Variants in DPP10 observed in about 807,000 individuals in gnomAD.
DPP10 encodes the protein inactive dipeptidyl peptidase 10.
Under a neutral mutation model 120.9 loss-of-function variants are expected in DPP10, and 33 were observed. The observed-to-expected ratio is 0.27, with a 90% confidence interval of 0.21 to 0.37. The LOEUF (loss-of-function observed/expected upper bound fraction) is 0.37, where lower values mean the gene tolerates loss of function less well. DPP10 is among the 10% of genes least tolerant of loss of function. The pLI is 1.00. For synonymous variants in DPP10, 337 were observed against 326.1 expected, an observed-to-expected ratio of 1.03 and a Z score of -0.36; for missense variants, 816 against 942.8, an observed-to-expected ratio of 0.87 and a Z score of 1.76.
intron 1 of DPP10, among the ~76,000 whole-genome samples, chr2:114,813,800 A>G (rs112393411): frequency 6.7e-4 from 102 of 151,916 alleles, no homozygotes; most frequent in Non-Finnish European, 1.3e-3. Flanking sequence ...CTTGGCTTGG[A>G]GAAGAAACTG....
intron 3 of DPP10, among the ~76,000 whole-genome samples, chr2:115,396,327 G>A (rs547063972): frequency 1.3e-4 from 20 of 152,272 alleles, no homozygotes; most frequent in African/African-American, 3.4e-4. Context: ...CTTGAAATCC[G>A]TAAATACTGT....
intron 1 of DPP10, among the ~76,000 whole-genome samples, chr2:114,676,042 C>T (rs1218794536): frequency 6.6e-6 from 1 of 152,208 alleles, no homozygotes; most frequent in African/African-American, 2.4e-5. Flanking sequence ...TCAGGTGATC[C>T]GCCCACCTCA....
intron 3 of DPP10, among the ~76,000 whole-genome samples, chr2:115,373,924 A>C (rs2065599143): frequency 6.6e-6 from 1 of 151,746 alleles, no homozygotes; most frequent in South Asian, 2.1e-4. Context: ...GGCATGCCAA[A>C]CATTTTTAAA....
intron 1 of DPP10, among the ~76,000 whole-genome samples, chr2:114,912,846 G>A (rs1319260432): frequency 6.6e-6 from 1 of 152,180 alleles, no homozygotes; most frequent in Non-Finnish European, 1.5e-5. Context: ...CCAGAGAGTT[G>A]ATGGAGACAG....
chr2:115,618,200 A>T (rs2084672789), intron 5 of DPP10, among the ~76,000 whole-genome samples: 1 of 152,246 alleles, frequency 6.6e-6, no homozygotes, highest in Admixed American at 6.5e-5. Context: ...AAAGAAACAA[A>T]TAATATGCTT....
At chr2:115,113,115 T>C (rs1343281603) in intron 1 of DPP10, among the ~76,000 whole-genome samples, 3 of 152,100 alleles carry the variant, frequency 2.0e-5, no homozygotes, top group African/African-American at 7.2e-5. Context: ...TGTGTCAGTC[T>C]GGACTAAATT....
chr2:115,797,852 A>G (rs978217747), intron 19 of DPP10, among the ~76,000 whole-genome samples: 2 of 151,948 alleles, frequency 1.3e-5, no homozygotes, highest in Non-Finnish European at 2.9e-5. Context: ...ATGGGGGAAA[A>G]ACCCAAATTT....
At chr2:115,754,274 T>C (rs1330869537) in intron 11 of DPP10, among the ~76,000 whole-genome samples, 2 of 152,150 alleles carry the variant, frequency 1.3e-5, no homozygotes, top group African/African-American at 4.8e-5. Flanking sequence ...TGGAGCTTTA[T>C]AGAAAAGGAC....
In DPP10 at chr2:115,763,476, AT is replaced by A. The variant is rs201030350; in HGVS notation, c.1113+868del. Among the ~76,000 whole-genome samples the A allele has an allele frequency of 2.0e-5, 3 of 152,142 alleles. No homozygotes were observed. The East Asian group carries it at 5.8e-4, about 29-fold the overall frequency. On this transcript the variant is annotated intron_variant, in intron 12 of 25. Transcript: ENST00000410059. The stretch of plus-strand genomic sequence containing the variant: ...TTTTATCTTAGGACTCAATGACATA[AT>A]TATCCATTCAGATGTTAAAACTATT...
At chr2:115,331,496 G>C (rs1033988013) in intron 2 of DPP10, among the ~76,000 whole-genome samples, 1 of 152,154 alleles carries the variant, frequency 6.6e-6, no homozygotes, top group African/African-American at 2.4e-5. Flanking sequence ...TCCCCGTCTT[G>C]TGCCAGTTTT....
chr2:115,371,172 C>A (rs543125742), intron 3 of DPP10, among the ~76,000 whole-genome samples: 43 of 152,162 alleles, frequency 2.8e-4, no homozygotes, highest in Admixed American at 1.5e-3. Context: ...CTTAGGTTTA[C>A]CTTAGTCTAC....
chr2:115,438,517 A>C (rs1223315421), intron 3 of DPP10, among the ~76,000 whole-genome samples: 1 of 152,188 alleles, frequency 6.6e-6, no homozygotes, highest in South Asian at 2.1e-4. Flanking sequence ...GGATGAATAG[A>C]AAAACAAAAT....
At chr2:115,243,275 G>A (rs1280070649) in intron 1 of DPP10, among the ~76,000 whole-genome samples, 1 of 152,024 alleles carries the variant, frequency 6.6e-6, no homozygotes, top group Non-Finnish European at 1.5e-5. Context: ...TAGGTATTAG[G>A]GTGATTTCGA....
At chr2:115,655,813 T>C (rs2088262565) in intron 5 of DPP10, among the ~76,000 whole-genome samples, 1 of 149,578 alleles carries the variant, frequency 6.7e-6, no homozygotes, top group Non-Finnish European at 1.5e-5. Context: ...AATAAAGAAT[T>C]AGCTCTCAAA....
intron 1 of DPP10, among the ~76,000 whole-genome samples, chr2:114,862,753 G>A (rs1468970493): frequency 2.6e-5 from 4 of 152,126 alleles, no homozygotes; most frequent in Non-Finnish European, 5.9e-5. Context: ...TAGAAGCAAT[G>A]TAGTAGAAGC....
chr2:115,469,780 C>T (rs993227201), intron 3 of DPP10, among the ~76,000 whole-genome samples: 1 of 150,778 alleles, frequency 6.6e-6, no homozygotes, highest in Non-Finnish European at 1.5e-5. Flanking sequence ...TTCCTGTAAT[C>T]CCAGCTACTT....
chr2:115,376,460 C>T (rs1485134477), intron 3 of DPP10, among the ~76,000 whole-genome samples: 1 of 151,428 alleles, frequency 6.6e-6, no homozygotes, highest in Admixed American at 6.6e-5. Context: ...TCCTTTTGTG[C>T]TGCTCTTCCA....
chr2:115,315,412 A>C lies in DPP10; in HGVS notation c.175+6059A>C, dbSNP rs139853510. The stretch of plus-strand genomic sequence containing the variant: ...CAAAAACTCAAAGTGAATTCATTCT[A>C]GTTACTATTTTGCTCTAACAAAATG... On this transcript the variant is annotated intron_variant, in intron 2 of 25. Coordinates refer to ENST00000410059, the MANE Select transcript of DPP10 (RefSeq NM_020868.6). 4.5e-3 allele frequency among the ~76,000 whole-genome samples: 683 copies of C among 152,226 alleles called. 4 individuals carry two copies. Among genetic ancestry groups the C allele is most frequent in the African/African-American group, 0.015 (631 of 41,552 alleles).
At chr2:115,206,070 A>G (rs1339399654) in intron 1 of DPP10, among the ~76,000 whole-genome samples, 1 of 152,178 alleles carries the variant, frequency 6.6e-6, no homozygotes, top group Non-Finnish European at 1.5e-5. Context: ...AAAGAGGAGG[A>G]GCAACTTCTC....
Sources: gnomAD v4.1 joint callset for allele counts (sites outside exome capture counted in the v4.1 genomes callset) on GRCh38, gnomAD v4.1.1 for gene constraint, MANE v1.5 for transcripts, NCBI Gene and HGNC (gene_info 2026-07-23, HGNC 2026-07-21) for gene names.